Variants in ARAP2 observed in about 807,000 individuals in gnomAD.
ARAP2 encodes the protein arf-GAP with Rho-GAP domain, ANK repeat and PH domain-containing protein 2.
A neutral mutation model predicts 194.5 loss-of-function variants in ARAP2; 148 were observed. That is an observed-to-expected ratio of 0.76 (90% CI 0.67 to 0.87). ARAP2 has a LOEUF of 0.87. ARAP2 is among the 40% of genes least tolerant of loss of function. ARAP2 has a pLI of 0.00. For synonymous variants in ARAP2, 695 were observed against 683.5 expected, an observed-to-expected ratio of 1.02 and a Z score of -0.26; for missense variants, 2,128 against 1,989.7, an observed-to-expected ratio of 1.07 and a Z score of -1.32.
chr4:36,057,042 AG>A, intron 2 of ARAP2, among the ~76,000 whole-genome samples: 1 of 101,604 alleles, frequency 9.8e-6, no homozygotes, highest in East Asian at 2.6e-4. Flanking sequence ...CATTATCTGT[AG>A]TTTTTTGTTG....
intron 6 of ARAP2, among the ~76,000 whole-genome samples, chr4:36,198,173 C>CAG (rs1359365744): frequency 6.6e-6 from 1 of 152,148 alleles, no homozygotes; most frequent in Non-Finnish European, 1.5e-5. Flanking sequence ...CTCCTCTCTG[C>CAG]AGGCAGGTCA....
At chr4:36,160,242 G>C in intron 13 of ARAP2, 1 of 1,139,174 alleles carries the variant, frequency 8.8e-7, no homozygotes, top group Non-Finnish European at 1.1e-6. Context: ...AGAGTTAGCA[G>C]GAAACTTCAA....
At chr4:36,156,880 A>G (rs1192359234) in intron 15 of ARAP2, among the ~76,000 whole-genome samples, 1 of 152,224 alleles carries the variant, frequency 6.6e-6, no homozygotes, top group African/African-American at 2.4e-5. Context: ...CCCTAGTTAA[A>G]TTACATATAC....
intron 8 of ARAP2, among the ~76,000 whole-genome samples, chr4:36,179,545 A>T (rs1738751429): frequency 6.6e-6 from 1 of 152,230 alleles, no homozygotes; most frequent in South Asian, 2.1e-4. Context: ...AGAAACTGGC[A>T]AACCTTGAGG....
intron 15 of ARAP2, among the ~76,000 whole-genome samples, chr4:36,156,354 A>AGAGGGACG (rs1553923177): frequency 4.8e-5 from 2 of 41,396 alleles, no homozygotes; most frequent in South Asian, 3.0e-3. Flanking sequence ...AGAGAGAGAG[A>AGAGGGACG]GAGGGAGGGA....
intron 9 of ARAP2, among the ~76,000 whole-genome samples, chr4:36,173,108 T>C: frequency 6.6e-6 from 1 of 152,066 alleles, no homozygotes; most frequent in African/African-American, 2.4e-5. Flanking sequence ...ATCAAATGGA[T>C]ACCCAAACCC....
chr4:36,105,546 A>G (rs889264356), intron 27 of ARAP2, among the ~76,000 whole-genome samples: 5 of 151,982 alleles, frequency 3.3e-5, no homozygotes, highest in African/African-American at 1.2e-4. Context: ...TAGGTGGAAC[A>G]TCACGAAAAC....
Position 36,158,762 on chromosome 4 carries a change from G to C in ARAP2, c.2720C>G (p.Ser907Cys), listed in dbSNP as rs1214227213. The part of the protein sequence containing the change: ...DFLYQAPSAA[S>C]KLSSEKKLLE... ...CAGTTTTTTCTCTGAAGAGAGTTTA[G>C]AAGCAGCAGAAGGAGCTTGATATAA... is the stretch of plus-strand genomic sequence containing the variant. Residue 907 changes from serine to cysteine, a missense_variant, in exon 15 of 33, where the codon TCT becomes TGT. Transcript: ENST00000303965. 1.6e-5 allele frequency: 26 copies of C among 1,610,670 alleles called. No individual in the cohort carries two copies. In the Admixed American group the frequency reaches 4.2e-4, roughly 26 times the overall value.
Position 36,244,159 on chromosome 4 carries a change from C to T in ARAP2, c.-160+20G>A, listed in dbSNP as rs1754162719. 1 of 152,186 alleles carries T rather than the reference C, an allele frequency of 6.6e-6. No individual in the cohort carries two copies. The highest frequency in any genetic ancestry group is 2.4e-5 in the African/African-American group (1 of 41,448). 9.4% of individuals were successfully genotyped at this position (152,186 alleles called of 1,614,324 possible). A position where few individuals can be genotyped will look rare whatever the true frequency, so the allele number is the denominator to read the frequency against. ...CGTGGGCCATCCCGGCCCAGCCTTC[C>T]CGAGGCCCCGGGTACTCGCCTTGCG... On this transcript the variant is annotated intron_variant, in intron 1 of 32. Transcript: ENST00000303965.
chr4:36,166,809 T>C lies in ARAP2; in HGVS notation c.1973+123A>G, dbSNP rs1049687507. 6.5e-6 allele frequency: 3 copies of C among 458,362 alleles called. No individual in the cohort carries two copies. The Admixed American group carries it at 1.2e-4, about 19-fold the overall frequency. 28.4% of individuals were successfully genotyped at this position (458,362 alleles called of 1,614,324 possible). A position where few individuals can be genotyped will look rare whatever the true frequency, so the allele number is the denominator to read the frequency against. The stretch of plus-strand genomic sequence containing the variant: ...ATAGTGGCTAACAAATTAGACAATA[T>C]GGAAAAGTAGGGAGATAATTTTAAA... On this transcript the variant is annotated intron_variant, in intron 10 of 32. Coordinates refer to ENST00000303965, the MANE Select transcript of ARAP2 (RefSeq NM_015230.4).
rs1190406917 is a variant in ARAP2, at chr4:36,109,532, T to C, written c.4157-1839A>G. Reference sequence around the variant, plus strand: ...GATAAAATCTTTTGTGCTATGTCAATATTACTTTTCTTCAAATAATTTTCT... The same window carrying C: ...GATAAAATCTTTTGTGCTATGTCAACATTACTTTTCTTCAAATAATTTTCT... On this transcript the variant is annotated intron_variant, in intron 26 of 32. Transcript: ENST00000303965. Among the ~76,000 whole-genome samples, 3 of 151,904 alleles carry C rather than the reference T, an allele frequency of 2.0e-5. No homozygotes were observed. In the East Asian group the frequency reaches 5.8e-4, roughly 29 times the overall value.
At position 36,128,634 on chromosome 4, in the gene ARAP2, T is replaced by A. The variant is rs766714781; in HGVS notation, c.3539A>T (p.His1180Leu). 4.3e-6 allele frequency: 7 copies of A among 1,612,938 alleles called. No individual in the cohort carries two copies. The South Asian group carries it at 6.6e-5, about 15-fold the overall frequency. Reference protein sequence around the residue: ...ARSFKLRAGKHQLEDVTAVLK... With the variant: ...ARSFKLRAGKLQLEDVTAVLK... ...CACAGCCGTCACATCTTCAAGCTGA[T>A]GTTTTCCAGCCCTCAATTTAAAGCT... The change falls in exon 21 of 33, where the codon CAT becomes CTT. Residue 1180 changes from histidine (H) to leucine (L), a missense_variant. Coordinates refer to ENST00000303965, the MANE Select transcript of ARAP2 (RefSeq NM_015230.4).
chr4:36,054,400 T>A (rs769069328), intron 2 of ARAP2, among the ~76,000 whole-genome samples: 1 of 152,230 alleles, frequency 6.6e-6, no homozygotes, highest in Non-Finnish European at 1.5e-5. Flanking sequence ...AATTGGTAAG[T>A]AGAGAGACCT....
Position 36,161,490 on chromosome 4 carries a change from C to T in ARAP2, c.2234G>A (p.Ser745Asn), listed in dbSNP as rs1733936276. Reference protein sequence around the residue: ...SKVRSLKMDASIWSNELIELF... With the variant: ...SKVRSLKMDANIWSNELIELF... ...CTCGATGAGTTCATTGCTCCAAATG[C>T]TAGCATCCATTTTTAGACTTCTAAC... Residue 745 changes from serine to asparagine, a missense_variant, in exon 12 of 33, where the codon AGC becomes AAC. Ser to Asn is a conservative substitution (Grantham distance 46, BLOSUM62 1). Transcript: ENST00000303965. 1.2e-6 allele frequency: 2 copies of T among 1,613,998 alleles called. No homozygotes were observed. The highest frequency in any genetic ancestry group is 1.7e-6 in the Non-Finnish European group (2 of 1,179,926).
intron 7 of ARAP2, among the ~76,000 whole-genome samples, chr4:36,188,119 A>G (rs1740983244): frequency 1.3e-5 from 2 of 152,234 alleles, no homozygotes; most frequent in South Asian, 4.1e-4. Context: ...GAATAAAAAA[A>G]GACAGATTTT....
chr4:36,238,372 G>A (rs1025921079), intron 1 of ARAP2, among the ~76,000 whole-genome samples: 1 of 152,170 alleles, frequency 6.6e-6, no homozygotes, highest in Non-Finnish European at 1.5e-5. Flanking sequence ...TGCAGAGGAG[G>A]AAAATCCGAC....
chr4:36,054,095 A>G (rs79939674), intron 2 of ARAP2, among the ~76,000 whole-genome samples: 2,779 of 152,302 alleles, frequency 0.018, 37 homozygotes, highest in South Asian at 0.038. Context: ...TGCCTTTCAC[A>G]CCGTGAATGC....
intron 19 of ARAP2, among the ~76,000 whole-genome samples, chr4:36,142,254 C>T (rs1728526252): frequency 6.6e-6 from 1 of 151,662 alleles, no homozygotes; most frequent in Non-Finnish European, 1.5e-5. Flanking sequence ...CTTACTTTTG[C>T]AGTTGAGGGA....
Position 36,025,394 on chromosome 4 carries a change from C to T in ARAP2, n.608-6108G>A, listed in dbSNP as rs1238788176. On this transcript the variant is annotated intron_variant and non_coding_transcript_variant, in intron 5 of 12. Coordinates refer to the ARAP2 transcript ENST00000503225. The stretch of plus-strand genomic sequence containing the variant: ...CAGCTGCTACTTAGCAAGCTGGACA[C>T]CCAATTAGGATGTGAAACCTGCTAA... Among the ~76,000 whole-genome samples, 5 of 152,140 alleles carry T rather than the reference C, an allele frequency of 3.3e-5. No individual in the cohort carries two copies. In the East Asian group the frequency reaches 9.6e-4, roughly 29 times the overall value.
Sources: gnomAD v4.1 joint callset for allele counts (sites outside exome capture counted in the v4.1 genomes callset) on GRCh38, gnomAD v4.1.1 for gene constraint, MANE v1.5 for transcripts, NCBI Gene and HGNC (gene_info 2026-07-23, HGNC 2026-07-21) for gene names.